The following NKAIN3 variants were observed in gnomAD, a reference collection of about 807,000 sequenced individuals.
The protein encoded by NKAIN3 is sodium/potassium transporting ATPase interacting 3.
In NKAIN3, 25 loss-of-function variants were observed where a neutral mutation model predicts 30.2. The observed-to-expected ratio is 0.83, with a 90% confidence interval of 0.60 to 1.16. The LOEUF (loss-of-function observed/expected upper bound fraction) is 1.16, where lower values mean the gene tolerates loss of function less well. Among genes scored for constraint, NKAIN3 ranks in the 50% most tolerant of loss-of-function variants. NKAIN3 has a pLI of 0.00. For missense variants in NKAIN3, 225 were observed against 254.1 expected, an observed-to-expected ratio of 0.89 and a Z score of 0.78; for synonymous variants, 91 against 89.6, an observed-to-expected ratio of 1.02 and a Z score of -0.09.
At chr8:62,322,429 A>C (rs1814960578) in intron 1 of NKAIN3, among the ~76,000 whole-genome samples, 1 of 151,980 alleles carries the variant, frequency 6.6e-6, no homozygotes, top group Non-Finnish European at 1.5e-5. Context: ...TCACACTGGG[A>C]GCTGTAGACT....
chr8:62,266,985 G>T (rs1437982196), intron 1 of NKAIN3, among the ~76,000 whole-genome samples: 1 of 152,230 alleles, frequency 6.6e-6, no homozygotes, highest in Non-Finnish European at 1.5e-5. Context: ...TGCCACTTCA[G>T]TAAATGTTGC....
intron 1 of NKAIN3, among the ~76,000 whole-genome samples, chr8:62,541,275 A>T (rs1808831023): frequency 6.6e-6 from 1 of 152,160 alleles, no homozygotes; most frequent in Non-Finnish European, 1.5e-5. Flanking sequence ...TCAAGATCTC[A>T]CCACTGCACT....
At chr8:62,620,101 T>C (rs1278052542) in intron 3 of NKAIN3, among the ~76,000 whole-genome samples, 2 of 152,110 alleles carry the variant, frequency 1.3e-5, no homozygotes, top group Admixed American at 6.6e-5. Flanking sequence ...GTTTTTATGA[T>C]ACGTTTGTTG....
intron 1 of NKAIN3, among the ~76,000 whole-genome samples, chr8:62,472,482 A>T (rs1314504088): frequency 6.6e-6 from 1 of 152,190 alleles, no homozygotes; most frequent in Non-Finnish European, 1.5e-5. Flanking sequence ...AACATATGAA[A>T]GTACTTGGCA....
chr8:62,750,402 G>A (rs1816238041), intron 4 of NKAIN3, among the ~76,000 whole-genome samples: 1 of 152,076 alleles, frequency 6.6e-6, no homozygotes, highest in Non-Finnish European at 1.5e-5. Flanking sequence ...TCTGTCATAA[G>A]CATTCCACAG....
intron 1 of NKAIN3, among the ~76,000 whole-genome samples, chr8:62,329,334 C>G (rs1410457582): frequency 2.6e-5 from 4 of 152,014 alleles, no homozygotes; most frequent in Non-Finnish European, 4.4e-5. Context: ...ATGAACAAGT[C>G]TTTTCTTAAT....
intron 5 of NKAIN3, among the ~76,000 whole-genome samples, chr8:62,946,542 G>A (rs1487811291): frequency 3.3e-5 from 5 of 152,124 alleles, no homozygotes; most frequent in Admixed American, 6.5e-5. Flanking sequence ...GGGGTGCTGC[G>A]AACTCCTCTC....
rs2130790144 is a variant in NKAIN3, at chr8:62,863,038, T to G, written c.472-55415T>G. ...ACACGTGTACATGCAAGGATGTGAC[T>G]ATGGAGACTCTAGGTGCTTTGATCC... On this transcript the variant is annotated intron_variant, in intron 4 of 6. Transcript: ENST00000623646. 3 of 747,784 alleles carry G rather than the reference T, an allele frequency of 4.0e-6. No individual in the cohort carries two copies. In the East Asian group the frequency reaches 8.3e-5, roughly 21 times the overall value. 46.3% of individuals were successfully genotyped at this position (747,784 alleles called of 1,614,324 possible). A position where few individuals can be genotyped will look rare whatever the true frequency, so the allele number is the denominator to read the frequency against.
At chr8:62,268,041 G>A (rs1812661205) in intron 1 of NKAIN3, among the ~76,000 whole-genome samples, 1 of 152,002 alleles carries the variant, frequency 6.6e-6, no homozygotes. Flanking sequence ...TTAGACAATG[G>A]GTATTTATTA....
intron 1 of NKAIN3, among the ~76,000 whole-genome samples, chr8:62,541,138 G>A (rs187596937): frequency 1.3e-4 from 19 of 151,516 alleles, no homozygotes; most frequent in African/African-American, 4.1e-4. Context: ...GGTGAAACCC[G>A]GTCTCAACTA....
At chr8:62,561,836 A>T (rs998908694) in intron 1 of NKAIN3, among the ~76,000 whole-genome samples, 2 of 152,208 alleles carry the variant, frequency 1.3e-5, no homozygotes, top group Non-Finnish European at 2.9e-5. Context: ...GGGCTTGTTG[A>T]AACATAGGTC....
At chr8:62,455,319 A>G (rs1357965969) in intron 1 of NKAIN3, among the ~76,000 whole-genome samples, 1 of 152,230 alleles carries the variant, frequency 6.6e-6, no homozygotes, top group African/African-American at 2.4e-5. Context: ...CATGTACTCC[A>G]TGGACTACTA....
intron 4 of NKAIN3, among the ~76,000 whole-genome samples, chr8:62,850,309 T>G (rs1342099351): frequency 2.6e-5 from 4 of 152,146 alleles, no homozygotes; most frequent in African/African-American, 9.6e-5. Flanking sequence ...GTTGTTTGTT[T>G]TTTTCTTGTA....
chr8:62,295,592 C>G (rs761980602), intron 1 of NKAIN3, among the ~76,000 whole-genome samples: 1 of 152,152 alleles, frequency 6.6e-6, no homozygotes, highest in African/African-American at 2.4e-5. Context: ...TGTAGTATAG[C>G]GGTTTCTATT....
intron 1 of NKAIN3, among the ~76,000 whole-genome samples, chr8:62,382,920 C>T (rs770477814): frequency 3.9e-5 from 6 of 152,158 alleles, no homozygotes; most frequent in Non-Finnish European, 5.9e-5. Context: ...TCTACAATAA[C>T]GATGGCCACT....
At chr8:62,397,523 A>G (rs997948763) in intron 1 of NKAIN3, among the ~76,000 whole-genome samples, 4 of 152,154 alleles carry the variant, frequency 2.6e-5, no homozygotes, top group African/African-American at 9.7e-5. Flanking sequence ...GGTTGCCTCT[A>G]ATTGCTCAGA....
At chr8:62,253,859 C>A (rs1480707521) in intron 1 of NKAIN3, among the ~76,000 whole-genome samples, 1 of 152,130 alleles carries the variant, frequency 6.6e-6, no homozygotes, top group Non-Finnish European at 1.5e-5. Context: ...AAATATATTT[C>A]TTTTACTATG....
intron 1 of NKAIN3, among the ~76,000 whole-genome samples, chr8:62,470,312 T>A (rs780839826): frequency 3.3e-5 from 5 of 152,200 alleles, no homozygotes; most frequent in Non-Finnish European, 7.3e-5. Context: ...TGGAAGTCTT[T>A]TTAGAACTAA....
rs1823747730 is a variant in NKAIN3 at position 62,967,927 on chromosome 8, G to T, written c.*2520G>T. 6.6e-6 allele frequency among the ~76,000 whole-genome samples: 1 copy of T among 152,166 alleles called. No homozygotes were observed. Among genetic ancestry groups the T allele is most frequent in the African/African-American group, 2.4e-5 (1 of 41,438 alleles). Reference sequence around the variant, plus strand: ...AGAGTCTGAACTTAGTCTAAGTGCAGATAACAGCTTTGAGGAAAAAATCCT... The same window carrying T: ...AGAGTCTGAACTTAGTCTAAGTGCATATAACAGCTTTGAGGAAAAAATCCT... On this transcript the variant is annotated 3_prime_UTR_variant, in exon 7 of 7. Coordinates refer to ENST00000623646, the MANE Select transcript of NKAIN3 (RefSeq NM_001304533.3).
Sources: gnomAD v4.1 joint callset for allele counts (sites outside exome capture counted in the v4.1 genomes callset) on GRCh38, gnomAD v4.1.1 for gene constraint, MANE v1.5 for transcripts, NCBI Gene and HGNC (gene_info 2026-07-23, HGNC 2026-07-21) for gene names.